GRAMD2A: variants seen among roughly 807,000 people sequenced by gnomAD.
GRAMD2A encodes GRAM domain containing 2A.
In GRAMD2A, 37 loss-of-function variants were observed where a neutral mutation model predicts 51.1. The observed-to-expected ratio is 0.72, with a 90% CI of 0.56 to 0.95. GRAMD2A has a LOEUF of 0.95. GRAMD2A is among the 40% of genes least tolerant of loss of function. The probability of loss-of-function intolerance (pLI) is 0.00; values close to 1 mark genes in which losing one functional copy is unlikely to be tolerated. For synonymous variants in GRAMD2A, 136 were observed against 157.1 expected, an observed-to-expected ratio of 0.87 and a Z score of 1.01; for missense variants, 414 against 426.9, an observed-to-expected ratio of 0.97 and a Z score of 0.27.
intron 1 of GRAMD2A, among the ~76,000 whole-genome samples, chr15:72,171,924 G>A (rs1417139085): frequency 6.6e-6 from 1 of 151,332 alleles, no homozygotes. Flanking sequence ...CCACCTCCTG[G>A]GTTCCAGCAA....
In GRAMD2A at chr15:72,170,579, GC is replaced by G. The variant is rs1196836106; in HGVS notation, c.42-641del. Among the ~76,000 whole-genome samples, 1 of 152,164 alleles carries G rather than the reference GC, an allele frequency of 6.6e-6. No individual in the cohort carries two copies. The highest frequency in any genetic ancestry group is 1.5e-5 in the Non-Finnish European group (1 of 68,036). ...ATCTCAAAAATGTCCCTGAGGGAGA[GC>G]GTAGGAGGGAACAGATCCTCTCTCC... On this transcript the variant is annotated intron_variant, in intron 1 of 11. Coordinates refer to ENST00000309731, the MANE Select transcript of GRAMD2A (RefSeq NM_001012642.3). The surrounding 1 kb of genome is among the most constrained non-coding windows in gnomAD (Gnocchi z 4.5).
At chr15:72,176,840 A>G (rs2081656561) in intron 1 of GRAMD2A, among the ~76,000 whole-genome samples, 1 of 147,472 alleles carries the variant, frequency 6.8e-6, no homozygotes, top group Non-Finnish European at 1.5e-5. Flanking sequence ...TGCACATTAG[A>G]ATCACCTGCA....
intron 1 of GRAMD2A, among the ~76,000 whole-genome samples, chr15:72,187,449 C>A (rs553172540): frequency 1.3e-3 from 197 of 150,652 alleles, no homozygotes; most frequent in African/African-American, 4.5e-3. Flanking sequence ...AGAGCAAGAC[C>A]CTGTCTCAAA....
At position 72,163,333 on chromosome 15, in the gene GRAMD2A, C is replaced by G. The variant is rs1392346163; in HGVS notation, c.889G>C (p.Glu297Gln). Residue 297 changes from glutamate to glutamine, a missense_variant, in exon 10 of 12, where the codon GAG becomes CAG. Transcript: ENST00000309731. ...AGCTCCCCAGTGCTCCTGGGCTCCT[C>G]CTCCAGCTCATCCTCCTCATAGACA... Reference protein sequence around the residue: ...NAVYEEDELEEEPRSTGELRL... With the variant: ...NAVYEEDELEQEPRSTGELRL... The G allele has an allele frequency of 1.2e-6, 2 of 1,614,150 alleles. No homozygotes were observed. Among genetic ancestry groups the G allele is most frequent in the East Asian group, 4.5e-5 (2 of 44,884 alleles).
rs142352510 is a variant in GRAMD2A at position 72,167,675 on chromosome 15, C to T, written c.372+61G>A. ...GATAGGCATGACTTTGAGGCATGCCCGTGGGGCAGGAGGCTGGCTCCCCTC... is the reference window on the plus strand; with the variant it reads ...GATAGGCATGACTTTGAGGCATGCCTGTGGGGCAGGAGGCTGGCTCCCCTC... On this transcript the variant is annotated intron_variant, in intron 5 of 11. Transcript: ENST00000309731. 4.4e-4 allele frequency: 569 copies of T among 1,288,908 alleles called. 1 individual carries two copies. The African/African-American group carries it at 6.3e-3, about 14-fold the overall frequency. 79.8% of individuals were successfully genotyped at this position (1,288,908 alleles called of 1,614,324 possible). A position where few individuals can be genotyped will look rare whatever the true frequency, so the allele number is the denominator to read the frequency against.
chr15:72,163,937 C>G (rs1049005765), intron 8 of GRAMD2A, 180 bp from the exon 9 acceptor site: 3 of 585,190 alleles, frequency 5.1e-6, no homozygotes, highest in Admixed American at 7.1e-5. Flanking sequence ...TGCCTCTCCT[C>G]TCTGCTCCCT....
intron 1 of GRAMD2A, among the ~76,000 whole-genome samples, chr15:72,193,320 G>A (rs1014592473): frequency 1.3e-5 from 2 of 148,710 alleles, no homozygotes; most frequent in African/African-American, 2.5e-5. Context: ...GGGTTCAAGC[G>A]ATTTTCCTGC....
In GRAMD2A at chr15:72,168,515, G is replaced by A; in HGVS notation, c.244C>T (p.Pro82Ser). 6.2e-7 allele frequency: 1 copy of A among 1,613,656 alleles called. No individual in the cohort carries two copies. Among genetic ancestry groups the A allele is most frequent in the Non-Finnish European group, 8.5e-7 (1 of 1,179,690 alleles). ...CCTTTGAGAACCACTTCCTCCAAGG[G>A]AACATCCTTAAACAGCTTGTGGTAT... ...QQYHKLFKDV[P>S]LEEVVLKVCS... The change falls in exon 4 of 12, where the codon CCC becomes TCC. Residue 82 changes from proline to serine, a missense_variant. Transcript: ENST00000309731.
At position 72,168,506 on chromosome 15, in the gene GRAMD2A, C is replaced by T. The variant is rs770180310; in HGVS notation, c.253G>A (p.Glu85Lys). The stretch of plus-strand genomic sequence containing the variant: ...GACAGCTCACCTTTGAGAACCACTT[C>T]CTCCAAGGGAACATCCTTAAACAGC... The part of the protein sequence containing the change: ...HKLFKDVPLE[E>K]VVLKVCSCAL... Residue 85 changes from glutamate (E) to lysine (K), a missense_variant, in exon 4 of 12, where the codon GAA (glutamate) becomes AAA (lysine). Physicochemically the swap from Glu to Lys is moderately conservative, Grantham distance 56 (BLOSUM62 1). Transcript: ENST00000309731. 2.5e-6 allele frequency: 4 copies of T among 1,613,364 alleles called. No homozygotes were observed. In the South Asian group the frequency reaches 3.3e-5, roughly 13 times the overall value.
intron 1 of GRAMD2A, among the ~76,000 whole-genome samples, chr15:72,194,169 G>A (rs891610861): frequency 6.6e-6 from 1 of 152,234 alleles, no homozygotes; most frequent in Non-Finnish European, 1.5e-5. Flanking sequence ...ACTCACACTT[G>A]CATCAGAGAT....
chr15:72,167,795 G>C lies in GRAMD2A; in HGVS notation c.313C>G (p.Leu105Val), dbSNP rs1449676929. The change falls in exon 5 of 12, where the codon CTC becomes GTC. Residue 105 changes from leucine to valine, a missense_variant. Coordinates refer to ENST00000309731, the MANE Select transcript of GRAMD2A (RefSeq NM_001012642.3). ...LQRDFLLQGR[L>V]YISPNWLCFH... ...CAGAGCCAGTTGGGGGAGATGTAGA[G>C]CCGGCCCTGGAGGAGGAAGTCCCTC... is the stretch of plus-strand genomic sequence containing the variant. 5.0e-6 allele frequency: 8 copies of C among 1,614,002 alleles called. No homozygotes were observed. The highest frequency in any genetic ancestry group is 6.8e-6 in the Non-Finnish European group (8 of 1,179,994).
Position 72,161,832 on chromosome 15 carries a change from T to A in GRAMD2A, c.*177A>T. The A allele has an allele frequency of 1.5e-6, 1 of 664,652 alleles. No homozygotes were observed. The allele number at this position is 664,652 out of a possible 1,614,324, so 41.2% of individuals were successfully genotyped here. ...AGCCAGTTACTTTGTAAACACGTACTTCAGATCTCTCATAGAGGGAAGAGA... is the reference window on the plus strand; with the variant it reads ...AGCCAGTTACTTTGTAAACACGTACATCAGATCTCTCATAGAGGGAAGAGA... On this transcript the variant is annotated 3_prime_UTR_variant, in exon 12 of 12. Coordinates refer to ENST00000309731, the MANE Select transcript of GRAMD2A (RefSeq NM_001012642.3).
intron 1 of GRAMD2A, among the ~76,000 whole-genome samples, chr15:72,179,551 G>C (rs1220967688): frequency 6.6e-6 from 1 of 152,250 alleles, no homozygotes; most frequent in African/African-American, 2.4e-5. Flanking sequence ...CAGTCTAGGA[G>C]AGCACGAACT....
chr15:72,168,813 A>T (rs2081577246), intron 3 of GRAMD2A, 126 bp downstream of exon 3: 1 of 872,388 alleles, frequency 1.1e-6, no homozygotes, highest in Non-Finnish European at 1.9e-6. Context: ...CCAGGAAGGG[A>T]TACACACTCA....
At chr15:72,169,801 C>T in intron 2 of GRAMD2A, 46 bp downstream of exon 2, 1 of 1,493,558 alleles carries the variant, frequency 6.7e-7, no homozygotes, top group Non-Finnish European at 9.3e-7. Context: ...GAGGGCTTCC[C>T]ACCCTCTAGT....
intron 7 of GRAMD2A, 136 bp from the exon 8 acceptor site, chr15:72,165,546 G>T: frequency 1.3e-6 from 1 of 783,164 alleles, no homozygotes; most frequent in Admixed American, 2.6e-5. Flanking sequence ...CAGCTCCCAG[G>T]GTCTATAGGG....
At chr15:72,188,385 A>G (rs573619182) in intron 1 of GRAMD2A, among the ~76,000 whole-genome samples, 191 of 152,106 alleles carry the variant, frequency 1.3e-3, no homozygotes, top group African/African-American at 4.4e-3. Flanking sequence ...GTTAGAGGAG[A>G]AAAAAAGGAA....
Position 72,162,382 on chromosome 15 carries a change from A to C in GRAMD2A, c.957-5T>G. Reference sequence around the variant, plus strand: ...GACATGACCAGGAAGCAGATCCTGAAGAAAGCGGCAATACGGAGTTAAATA... The same window carrying C: ...GACATGACCAGGAAGCAGATCCTGACGAAAGCGGCAATACGGAGTTAAATA... On this transcript the variant is annotated splice_region_variant and splice_polypyrimidine_tract_variant and intron_variant, in intron 10 of 11. Transcript: ENST00000309731. 6.3e-7 allele frequency: 1 copy of C among 1,599,130 alleles called. No homozygotes were observed. Among genetic ancestry groups the C allele is most frequent in the South Asian group, 1.1e-5 (1 of 90,548 alleles).
chr15:72,183,499 A>G (rs2081712884), intron 1 of GRAMD2A, among the ~76,000 whole-genome samples: 1 of 150,862 alleles, frequency 6.6e-6, no homozygotes, highest in Non-Finnish European at 1.5e-5. Context: ...TGGGCGACAG[A>G]GCGAGACCAT....
Sources: gnomAD v4.1 joint callset for allele counts (sites outside exome capture counted in the v4.1 genomes callset) on GRCh38, gnomAD v4.1.1 for gene constraint, Gnocchi (gnomAD v3.1) non-coding constraint, MANE v1.5 for transcripts, NCBI Gene and HGNC (gene_info 2026-07-23, HGNC 2026-07-21) for gene names.